The following AGPAT4 variants were observed in gnomAD, a reference collection of about 807,000 sequenced individuals.
AGPAT4 encodes the protein 1-acyl-sn-glycerol-3-phosphate acyltransferase delta.
AGPAT4 carries 15 observed loss-of-function variants against 48.0 expected under a neutral mutation model. The observed-to-expected ratio is 0.31, with a 90% CI of 0.21 to 0.48. The LOEUF (loss-of-function observed/expected upper bound fraction) is 0.48. AGPAT4 is among the 20% of genes least tolerant of loss of function. AGPAT4 has a pLI of 0.99. For missense variants in AGPAT4, 314 were observed against 482.5 expected, an observed-to-expected ratio of 0.65 and a Z score of 3.27; for synonymous variants, 178 against 198.7, an observed-to-expected ratio of 0.90 and a Z score of 0.88.
In AGPAT4 at chr6:161,194,478, G is replaced by A. The variant is rs186601638; in HGVS notation, c.179-28061C>T. ...TGTGTGTGTGTGTGTTAGAATATGCGCATGTATGTGTGTATGTGTGTGTGT... is the reference window on the plus strand; with the variant it reads ...TGTGTGTGTGTGTGTTAGAATATGCACATGTATGTGTGTATGTGTGTGTGT... On this transcript the variant is annotated intron_variant, in intron 2 of 8. Coordinates refer to ENST00000320285, the MANE Select transcript of AGPAT4 (RefSeq NM_020133.3). Among the ~76,000 whole-genome samples, 971 of 148,050 alleles carry A rather than the reference G, an allele frequency of 6.6e-3. 8 individuals are homozygous for A. The highest frequency in any genetic ancestry group is 0.024 in the African/African-American group (922 of 37,998).
rs376075614 is a variant in AGPAT4 at position 161,145,393 on chromosome 6, A to G, written c.843+1131T>C. On this transcript the variant is annotated intron_variant, in intron 7 of 8. Transcript: ENST00000320285. ...GGGGATACCAGAGAGCAATGCCCAT[A>G]ACCTACATAGGAAAGAGGCCCACAT... Among the ~76,000 whole-genome samples, 17 of 151,750 alleles carry G rather than the reference A, an allele frequency of 1.1e-4. No homozygotes were observed. In the East Asian group the frequency reaches 1.9e-3, roughly 17 times the overall value.
rs537391388 is a variant in AGPAT4 at position 161,142,560 on chromosome 6, G to A, written c.844-2940C>T. ...CCCGGACGAACGCCCCCTGCAGCCC[G>A]CAACAAAGGCACTAGGGAGGAAGCG... On this transcript the variant is annotated intron_variant, in intron 7 of 8. Coordinates refer to ENST00000320285, the MANE Select transcript of AGPAT4 (RefSeq NM_020133.3). The surrounding 1 kb of genome is among the most constrained non-coding windows in gnomAD (Gnocchi z 6.4). Among the ~76,000 whole-genome samples the A allele has an allele frequency of 9.9e-5, 15 of 152,258 alleles. No homozygotes were observed. The South Asian group carries it at 1.7e-3, about 17-fold the overall frequency.
chr6:161,206,164 T>G lies in AGPAT4; in HGVS notation c.178+25872A>C, dbSNP rs1781373991. ...AGACCGAAAACCTCTAGACAGTAAC[T>G]GCCCTACACCAACCGAACTCATGGA... is the stretch of plus-strand genomic sequence containing the variant. On this transcript the variant is annotated intron_variant, in intron 2 of 8. Coordinates refer to ENST00000320285, the MANE Select transcript of AGPAT4 (RefSeq NM_020133.3). The surrounding 1 kb of genome is among the most constrained non-coding windows in gnomAD (Gnocchi z 4.8). 6.6e-6 allele frequency among the ~76,000 whole-genome samples: 1 copy of G among 152,080 alleles called. No individual in the cohort carries two copies. Among genetic ancestry groups the G allele is most frequent in the African/African-American group, 2.4e-5 (1 of 41,422 alleles).
At chr6:161,170,737 C>A (rs778877140) in intron 2 of AGPAT4, among the ~76,000 whole-genome samples, 1 of 152,192 alleles carries the variant, frequency 6.6e-6, no homozygotes, top group Non-Finnish European at 1.5e-5. Context: ...AAGAGCCCTA[C>A]AGGAGCTGCT....
In AGPAT4 at chr6:161,254,732, C is replaced by T. The variant is rs1188863749; in HGVS notation, c.-90+19206G>A. ...CTACTTACAACTTCTTCTGTTAATC[C>T]TTGGTTCTAAGCTTTAACATTCATT... On this transcript the variant is annotated intron_variant, in intron 1 of 8. Transcript: ENST00000320285. This position sits in a 1 kb window ranked among gnomAD's most constrained non-coding sequence, Gnocchi z 5.9. Among the ~76,000 whole-genome samples the T allele has an allele frequency of 6.6e-6, 1 of 152,174 alleles. No homozygotes were observed. The highest frequency in any genetic ancestry group is 2.4e-5 in the African/African-American group (1 of 41,428).
chr6:161,191,839 T>C (rs529794370), intron 2 of AGPAT4, among the ~76,000 whole-genome samples: 2 of 152,312 alleles, frequency 1.3e-5, no homozygotes, highest in Non-Finnish European at 2.9e-5. Flanking sequence ...AAGGAGGCCA[T>C]TGTTGCCTCA....
Position 161,189,865 on chromosome 6 carries a change from T to C in AGPAT4, c.179-23448A>G, listed in dbSNP as rs974495621. 2.0e-5 allele frequency among the ~76,000 whole-genome samples: 3 copies of C among 152,220 alleles called. No individual in the cohort carries two copies. Among genetic ancestry groups the C allele is most frequent in the African/African-American group, 7.2e-5 (3 of 41,458 alleles). ...CAGGCCCAGGCTCTGTTCTGTCTTA[T>C]CAGTTCTGAAATGCTCCGTTGGTTC... On this transcript the variant is annotated intron_variant, in intron 2 of 8. Coordinates refer to ENST00000320285, the MANE Select transcript of AGPAT4 (RefSeq NM_020133.3). This position sits in a 1 kb window ranked among gnomAD's most constrained non-coding sequence, Gnocchi z 5.3.
rs868821049 is a variant in AGPAT4, at chr6:161,217,138, G to A, written c.178+14898C>T. On this transcript the variant is annotated intron_variant, in intron 2 of 8. Transcript: ENST00000320285. This position sits in a 1 kb window ranked among gnomAD's most constrained non-coding sequence, Gnocchi z 4.9. Reference sequence around the variant, plus strand: ...TGAAAGATGAGCAGACAGTGGAGAAGGCAAGCCAGGGGAGGGGCGGAGTGA... The same window carrying A: ...TGAAAGATGAGCAGACAGTGGAGAAAGCAAGCCAGGGGAGGGGCGGAGTGA... Among the ~76,000 whole-genome samples the A allele has an allele frequency of 9.2e-5, 14 of 152,250 alleles. No homozygotes were observed. The highest frequency in any genetic ancestry group is 2.0e-4 in the Admixed American group (3 of 15,288).
rs1278885517 is a variant in AGPAT4, at chr6:161,267,059, T to C, written c.-90+6879A>G. On this transcript the variant is annotated intron_variant, in intron 1 of 8. Coordinates refer to ENST00000320285, the MANE Select transcript of AGPAT4 (RefSeq NM_020133.3). The surrounding 1 kb of genome is among the most constrained non-coding windows in gnomAD (Gnocchi z 5.2). Reference sequence around the variant, plus strand: ...CCTCTGACTCCATCCACCCACCGCCTTGGGAACTCTGAGAGCAGCCACCAC... The same window carrying C: ...CCTCTGACTCCATCCACCCACCGCCCTGGGAACTCTGAGAGCAGCCACCAC... 2.0e-5 allele frequency among the ~76,000 whole-genome samples: 3 copies of C among 152,198 alleles called. No homozygotes were observed. The highest frequency in any genetic ancestry group is 4.4e-5 in the Non-Finnish European group (3 of 68,028).
At chr6:161,199,098 A>C (rs972099444) in intron 2 of AGPAT4, among the ~76,000 whole-genome samples, 1 of 147,324 alleles carries the variant, frequency 6.8e-6, no homozygotes, top group Non-Finnish European at 1.5e-5. Context: ...GTAATTATAG[A>C]GGAATTACAA....
At chr6:161,203,381 C>CTTTTTTTTTTTTTT (rs10585542) in intron 2 of AGPAT4, among the ~76,000 whole-genome samples, 1 of 110,764 alleles carries the variant, frequency 9.0e-6, no homozygotes, top group Non-Finnish European at 1.9e-5. Context: ...CTTTTTCTTT[C>CTTTTTTTTTTTTTT]TTTTTTTTTT....
intron 1 of AGPAT4, among the ~76,000 whole-genome samples, chr6:161,271,083 CCTT>C (rs1783408945): frequency 6.6e-6 from 1 of 152,164 alleles, no homozygotes; most frequent in African/African-American, 2.4e-5. Flanking sequence ...TTCTAACAGT[CCTT>C]CTTTTTCTGA....
intron 3 of AGPAT4, chr6:161,160,446 A>G (rs1178017067): frequency 6.4e-6 from 1 of 156,304 alleles, no homozygotes; most frequent in Admixed American, 6.1e-5. Flanking sequence ...AGCAAACATT[A>G]AATGAAAGCA....
chr6:161,269,115 T>C (rs1054354121), intron 1 of AGPAT4, among the ~76,000 whole-genome samples: 1 of 152,146 alleles, frequency 6.6e-6, no homozygotes, highest in Non-Finnish European at 1.5e-5. Context: ...ATGCTATACT[T>C]TGAGTCGATG....
chr6:161,219,858 GATAGATAGATAGA>G lies in AGPAT4; in HGVS notation c.178+12165_178+12177del. On this transcript the variant is annotated intron_variant, in intron 2 of 8. Coordinates refer to ENST00000320285, the MANE Select transcript of AGPAT4 (RefSeq NM_020133.3). The surrounding 1 kb of genome is among the most constrained non-coding windows in gnomAD (Gnocchi z 4.9). ...AGATAGATAGATAGATAGATAGATA[GATAGATAGATAGA>G]TAGGCAGGCAGGCAGGCAGGCAGGC... 8.4e-6 allele frequency among the ~76,000 whole-genome samples: 1 copy of G among 118,932 alleles called. No individual in the cohort carries two copies. The highest frequency in any genetic ancestry group is 3.6e-5 in the African/African-American group (1 of 28,006). 78.0% of individuals were successfully genotyped at this position (118,932 alleles called of 152,430 possible).
chr6:161,150,859 C>A (rs556331207), intron 5 of AGPAT4, among the ~76,000 whole-genome samples: 2 of 152,308 alleles, frequency 1.3e-5, no homozygotes, highest in Non-Finnish European at 2.9e-5. Context: ...CCTAGGGCTT[C>A]CCAGTAAGAA....
rs1367177538 is a variant in AGPAT4 at position 161,166,133 on chromosome 6, A to G, written c.348+115T>C. 2.9e-6 allele frequency: 4 copies of G among 1,374,884 alleles called. No individual in the cohort carries two copies. The highest frequency in any genetic ancestry group is 2.5e-5 in the East Asian group (1 of 39,910). 85.2% of individuals were successfully genotyped at this position (1,374,884 alleles called of 1,614,324 possible). Reference sequence around the variant, plus strand: ...GCAGTTTATTAGGACCATTTCATCAAGTAGAAACTCTGTTGATTCTTCTGC... The same window carrying G: ...GCAGTTTATTAGGACCATTTCATCAGGTAGAAACTCTGTTGATTCTTCTGC... On this transcript the variant is annotated intron_variant, in intron 3 of 8. Coordinates refer to ENST00000320285, the MANE Select transcript of AGPAT4 (RefSeq NM_020133.3). This position sits in a 1 kb window ranked among gnomAD's most constrained non-coding sequence, Gnocchi z 6.7.
chr6:161,260,008 C>G (rs976514069), intron 1 of AGPAT4, among the ~76,000 whole-genome samples: 7 of 152,214 alleles, frequency 4.6e-5, no homozygotes, highest in African/African-American at 1.7e-4. Context: ...GCTGGGGAGT[C>G]TCTGGAAGTG....
intron 8 of AGPAT4, 26 bp from the exon 9 acceptor site, chr6:161,136,660 AG>A (rs767932563): frequency 6.2e-7 from 1 of 1,606,074 alleles, no homozygotes; most frequent in South Asian, 1.1e-5. Context: ...GAGCAGAGTT[AG>A]GAGTAGCCCA....
Sources: gnomAD v4.1 joint callset for allele counts (sites outside exome capture counted in the v4.1 genomes callset) on GRCh38, gnomAD v4.1.1 for gene constraint, Gnocchi (gnomAD v3.1) non-coding constraint, MANE v1.5 for transcripts, NCBI Gene and HGNC (gene_info 2026-07-23, HGNC 2026-07-21) for gene names.